Variants in MNAT1 observed in about 807,000 individuals in gnomAD.
MNAT1 encodes MNAT1 component of CDK activating kinase, also known as CDK-activating kinase assembly factor MAT1.
Under a neutral mutation model 42.0 loss-of-function variants are expected in MNAT1, and 43 were observed. The ratio of observed to expected loss-of-function variants is 1.02; its 90% CI spans 0.80 to 1.32. The LOEUF (loss-of-function observed/expected upper bound fraction) is 1.32. Among genes scored for constraint, MNAT1 ranks in the 40% most tolerant of loss-of-function variants. The probability of loss-of-function intolerance (pLI) is 0.00; values close to 1 mark genes in which losing one functional copy is unlikely to be tolerated. For synonymous variants in MNAT1, 118 were observed against 120.0 expected (o/e 0.98, Z 0.11); for missense variants, 306 against 350.4 (o/e 0.87, Z 1.01).
intron 1 of MNAT1, among the ~76,000 whole-genome samples, chr14:60,736,015 T>G (rs1896296322): frequency 6.6e-6 from 1 of 152,228 alleles, no homozygotes; most frequent in Non-Finnish European, 1.5e-5. Flanking sequence ...AATTGCATGA[T>G]TAGCTGTAGC....
At chr14:60,768,056 G>A (rs781000616) in intron 1 of MNAT1, among the ~76,000 whole-genome samples, 5 of 152,110 alleles carry the variant, frequency 3.3e-5, no homozygotes, top group Non-Finnish European at 7.4e-5. Context: ...GAGCCACCAT[G>A]ACTGGCCTTA....
chr14:60,835,229 T>G (rs1409480629), intron 6 of MNAT1, among the ~76,000 whole-genome samples: 1 of 152,160 alleles, frequency 6.6e-6, no homozygotes, highest in African/African-American at 2.4e-5. Flanking sequence ...GTCTTTTAAT[T>G]GGGGCATTTA....
intron 1 of MNAT1, among the ~76,000 whole-genome samples, chr14:60,738,982 C>T (rs1468960252): frequency 1.3e-5 from 2 of 152,076 alleles, no homozygotes; most frequent in African/African-American, 4.8e-5. Flanking sequence ...CTGGCTCGGT[C>T]TTAGGATGTT....
At chr14:60,829,616 G>A (rs373544410) in intron 6 of MNAT1, among the ~76,000 whole-genome samples, 122 of 152,242 alleles carry the variant, frequency 8.0e-4, no homozygotes, top group Non-Finnish European at 1.3e-3. Flanking sequence ...CAGAAATAAT[G>A]AGTCTGGATT....
chr14:60,801,561 C>T (rs759945863), intron 3 of MNAT1, among the ~76,000 whole-genome samples: 3 of 152,038 alleles, frequency 2.0e-5, no homozygotes, highest in Admixed American at 1.3e-4. Context: ...AGAAGACATA[C>T]GTATGGTATA....
At chr14:60,801,417 G>A (rs934179222) in intron 3 of MNAT1, among the ~76,000 whole-genome samples, 1 of 152,168 alleles carries the variant, frequency 6.6e-6, no homozygotes, top group African/African-American at 2.4e-5. Flanking sequence ...GTAATCTACA[G>A]AGTGGGAGAG....
chr14:60,874,705 T>C (rs2034400291), intron 6 of MNAT1, among the ~76,000 whole-genome samples: 1 of 152,164 alleles, frequency 6.6e-6, no homozygotes, highest in Non-Finnish European at 1.5e-5. Context: ...CTTTGAGTTC[T>C]TTAATTTGAA....
chr14:60,860,926 G>T (rs1416528982), intron 6 of MNAT1, among the ~76,000 whole-genome samples: 3 of 152,142 alleles, frequency 2.0e-5, no homozygotes, highest in Admixed American at 6.5e-5. Flanking sequence ...ACTTCACCAA[G>T]AATAGTTTTG....
intron 5 of MNAT1, among the ~76,000 whole-genome samples, chr14:60,815,969 T>A (rs909145603): frequency 2.6e-5 from 4 of 152,218 alleles, no homozygotes; most frequent in African/African-American, 9.6e-5. Flanking sequence ...ATTTTTATCC[T>A]CTTGAATCCT....
intron 7 of MNAT1, among the ~76,000 whole-genome samples, chr14:60,911,268 A>G (rs186255840): frequency 2.5e-3 from 374 of 152,270 alleles, no homozygotes; most frequent in Non-Finnish European, 4.4e-3. Context: ...ATCTTTTCAA[A>G]AAACCAGCTC....
At chr14:60,810,382 C>A (rs1263782592) in intron 4 of MNAT1, among the ~76,000 whole-genome samples, 1 of 151,894 alleles carries the variant, frequency 6.6e-6, no homozygotes, top group Non-Finnish European at 1.5e-5. Flanking sequence ...GTTCTGCTTA[C>A]TTTGAGCTCA....
intron 4 of MNAT1, among the ~76,000 whole-genome samples, chr14:60,811,552 G>A (rs926209768): frequency 2.6e-5 from 4 of 151,762 alleles, no homozygotes; most frequent in African/African-American, 9.7e-5. Flanking sequence ...TCCACCCGCC[G>A]TGGCCTCCCA....
intron 6 of MNAT1, among the ~76,000 whole-genome samples, chr14:60,867,469 G>A (rs1365626207): frequency 6.6e-6 from 1 of 151,926 alleles, no homozygotes; most frequent in Non-Finnish European, 1.5e-5. Context: ...GTTATATTCT[G>A]CTTATTCCCA....
intron 7 of MNAT1, among the ~76,000 whole-genome samples, chr14:60,937,193 G>A (rs1339249218): frequency 6.6e-6 from 1 of 152,012 alleles, no homozygotes; most frequent in East Asian, 1.9e-4. Context: ...TCACTCTGAT[G>A]GTAGTTTCTT....
chr14:60,930,747 G>T (rs1363730014), intron 7 of MNAT1, among the ~76,000 whole-genome samples: 1 of 152,168 alleles, frequency 6.6e-6, no homozygotes, highest in Non-Finnish European at 1.5e-5. Context: ...AATGTAAGTA[G>T]TTCAGTCTGA....
chr14:60,965,940 T>A (rs761441406), intron 7 of MNAT1, among the ~76,000 whole-genome samples: 18 of 152,184 alleles, frequency 1.2e-4, no homozygotes, highest in Non-Finnish European at 2.6e-4. Context: ...GCCAGGTTAA[T>A]TTTTAGACCT....
At chr14:60,787,927 A>G (rs1401455184) in intron 1 of MNAT1, among the ~76,000 whole-genome samples, 1 of 152,148 alleles carries the variant, frequency 6.6e-6, no homozygotes, top group African/African-American at 2.4e-5. Flanking sequence ...ATTGGAATCA[A>G]CTTCTTCCAA....
At chr14:60,922,524 CT>C (rs2035682791) in intron 7 of MNAT1, among the ~76,000 whole-genome samples, 1 of 151,846 alleles carries the variant, frequency 6.6e-6, no homozygotes, top group Admixed American at 6.6e-5. Flanking sequence ...ATTTTTTGGC[CT>C]TTTGTTTTCT....
intron 7 of MNAT1, among the ~76,000 whole-genome samples, chr14:60,898,608 T>C (rs146396247): frequency 6.6e-6 from 1 of 152,200 alleles, no homozygotes; most frequent in Non-Finnish European, 1.5e-5. Flanking sequence ...TTTAATGAGA[T>C]TACCTTTTTT....
Sources: gnomAD v4.1 joint callset for allele counts (sites outside exome capture counted in the v4.1 genomes callset) on GRCh38, gnomAD v4.1.1 for gene constraint, MANE v1.5 for transcripts, NCBI Gene and HGNC (gene_info 2026-07-23, HGNC 2026-07-21) for gene names.